FRK: variants seen among roughly 807,000 people sequenced by gnomAD.
The protein encoded by FRK is fyn related Src family tyrosine kinase, also known as tyrosine-protein kinase FRK.
FRK carries 51 observed loss-of-function variants against 56.4 expected under a neutral mutation model. The observed-to-expected ratio is 0.90, with a 90% CI of 0.72 to 1.14. The LOEUF is 1.14. Ranked by LOEUF, FRK falls within the 50% of genes most tolerant of loss-of-function variation. The pLI is 0.00. For missense variants in FRK, 570 were observed against 601.4 expected (o/e 0.95, Z 0.55); for synonymous variants, 245 against 217.9 (o/e 1.12, Z -1.10).
the FRK span, among the ~76,000 whole-genome samples, chr6:116,085,203 A>T: frequency 6.6e-6 from 1 of 152,214 alleles, no homozygotes; most frequent in Non-Finnish European, 1.5e-5. Context: ...TAGGAGCTAA[A>T]ATTTTAAAGA....
At chr6:116,090,664 G>A in the FRK span, among the ~76,000 whole-genome samples, 2 of 152,166 alleles carry the variant, frequency 1.3e-5, no homozygotes, top group African/African-American at 4.8e-5. Context: ...CATGCATATG[G>A]ATGCCATTAA....
At chr6:116,087,043 G>C in the FRK span, among the ~76,000 whole-genome samples, 2 of 152,184 alleles carry the variant, frequency 1.3e-5, no homozygotes, top group East Asian at 3.8e-4. Flanking sequence ...GGAAATCAAG[G>C]GAGAAAAAAT....
the FRK span, among the ~76,000 whole-genome samples, chr6:116,082,814 G>C: frequency 6.6e-6 from 1 of 152,060 alleles, no homozygotes; most frequent in Non-Finnish European, 1.5e-5. Flanking sequence ...TCAGAAGAGA[G>C]GTCAAGGCAA....
rs1343216388 is a variant in FRK, at chr6:115,935,471, G to A, written c.*6943C>T. 2.0e-5 allele frequency: 3 copies of A among 152,646 alleles called. No homozygotes were observed. Among genetic ancestry groups the A allele is most frequent in the Non-Finnish European group, 4.4e-5 (3 of 68,404 alleles). The allele number at this position is 152,646 out of a possible 1,614,324, so 9.5% of individuals were successfully genotyped here. ...CAGGAGTTTTATTTTCCATACCCCAGTGGTGCCTGGAATGCCAGCAAGGCA... is the reference window on the plus strand; with the variant it reads ...CAGGAGTTTTATTTTCCATACCCCAATGGTGCCTGGAATGCCAGCAAGGCA... On this transcript the variant is annotated 3_prime_UTR_variant, in exon 8 of 8. Transcript: ENST00000606080.
intron 2 of FRK, among the ~76,000 whole-genome samples, chr6:115,983,189 C>T (rs1381455936): frequency 1.3e-5 from 2 of 152,050 alleles, no homozygotes; most frequent in Admixed American, 1.3e-4. Flanking sequence ...ATGGGGTTTA[C>T]AGTGGAGAAA....
the FRK span, among the ~76,000 whole-genome samples, chr6:116,100,679 T>C: frequency 4.6e-5 from 7 of 152,072 alleles, no homozygotes; most frequent in Non-Finnish European, 8.8e-5. Context: ...GGCATTGGGG[T>C]ACCAGGAGGA....
chr6:115,967,432 T>C, intron 4 of FRK, 119 bp downstream of exon 4: 3 of 935,814 alleles, frequency 3.2e-6, no homozygotes, highest in Non-Finnish European at 4.9e-6. Flanking sequence ...CTAGAGACAA[T>C]GACCACAACA....
At chr6:116,017,506 G>A (rs1039230259) in intron 1 of FRK, among the ~76,000 whole-genome samples, 3 of 152,248 alleles carry the variant, frequency 2.0e-5, no homozygotes, top group African/African-American at 7.2e-5. Flanking sequence ...TCTGGCTCAG[G>A]AGACTGCCTG....
At chr6:116,081,002 G>A in the FRK span, among the ~76,000 whole-genome samples, 1 of 152,200 alleles carries the variant, frequency 6.6e-6, no homozygotes, top group African/African-American at 2.4e-5. Context: ...TCACAATCAA[G>A]GTGGAAGGCA....
chr6:116,029,661 A>T (rs1336270852), intron 1 of FRK, among the ~76,000 whole-genome samples: 1 of 152,136 alleles, frequency 6.6e-6, no homozygotes, highest in Non-Finnish European at 1.5e-5. Context: ...CTATTCATCT[A>T]TTCTACAGAA....
chr6:115,980,685 A>C (rs946540802), intron 2 of FRK, among the ~76,000 whole-genome samples: 2 of 152,288 alleles, frequency 1.3e-5, no homozygotes, highest in Non-Finnish European at 2.9e-5. Flanking sequence ...CAACTTAAAG[A>C]CAATGTCTGC....
chr6:115,982,034 A>G (rs1774217400), intron 2 of FRK, among the ~76,000 whole-genome samples: 1 of 152,074 alleles, frequency 6.6e-6, no homozygotes, highest in Non-Finnish European at 1.5e-5. Flanking sequence ...GTAAAGTGTT[A>G]TTTCTGGGAG....
At chr6:115,993,070 CCTT>C (rs1398954999) in intron 2 of FRK, among the ~76,000 whole-genome samples, 1 of 151,592 alleles carries the variant, frequency 6.6e-6, no homozygotes, top group Non-Finnish European at 1.5e-5. Context: ...AGGAGAGTGT[CCTT>C]ATTCATAAGA....
chr6:116,084,070 A>G, the FRK span, among the ~76,000 whole-genome samples: 1 of 152,192 alleles, frequency 6.6e-6, no homozygotes, highest in Admixed American at 6.5e-5. Flanking sequence ...GAAAGGAAAA[A>G]TATGAAATAA....
intron 1 of FRK, among the ~76,000 whole-genome samples, chr6:116,047,762 G>T (rs1777031362): frequency 6.6e-6 from 1 of 152,202 alleles, no homozygotes; most frequent in South Asian, 2.1e-4. Context: ...CTTCCTCCTG[G>T]AGGTTAGCTT....
At chr6:115,952,451 G>C (rs905815495) in intron 5 of FRK, among the ~76,000 whole-genome samples, 6 of 151,956 alleles carry the variant, frequency 3.9e-5, no homozygotes, top group African/African-American at 1.5e-4. Flanking sequence ...TGGAGAAATA[G>C]GAACACTTTT....
At chr6:115,956,364 C>T (rs749360806) in intron 5 of FRK, 88 bp downstream of exon 5, 14 of 917,808 alleles carry the variant, frequency 1.5e-5, no homozygotes, top group South Asian at 2.7e-5. Context: ...AATATCCTTT[C>T]GGTTACAGAA....
intron 1 of FRK, among the ~76,000 whole-genome samples, chr6:116,024,866 G>A (rs924659421): frequency 1.2e-4 from 18 of 152,264 alleles, no homozygotes; most frequent in African/African-American, 4.1e-4. Flanking sequence ...GGTTGAACTA[G>A]TTTACAGTCC....
In FRK at chr6:115,936,493, G is replaced by GT. The variant is rs1340554091; in HGVS notation, c.*5920dup. 5 of 150,434 alleles carry GT rather than the reference G, an allele frequency of 3.3e-5. No homozygotes were observed. Among genetic ancestry groups the GT allele is most frequent in the African/African-American group, 1.3e-4 (5 of 39,794 alleles). The allele number at this position is 150,434 out of a possible 1,614,324, so 9.3% of individuals were successfully genotyped here. ...GAATGAGTTTGACGGATGGATAGAA[G>GT]TAGGCCTCAGAAGGTGGGTAATAAC... On this transcript the variant is annotated 3_prime_UTR_variant, in exon 8 of 8. Coordinates refer to ENST00000606080, the MANE Select transcript of FRK (RefSeq NM_002031.3).
Sources: allele counts gnomAD v4.1 joint callset (sites outside exome capture counted in the v4.1 genomes callset), GRCh38; gene constraint gnomAD v4.1.1; transcripts MANE v1.5; gene names NCBI Gene and HGNC (gene_info 2026-07-23, HGNC 2026-07-21).